TLK1: variants seen among roughly 807,000 people sequenced by gnomAD.
The protein encoded by TLK1 is serine/threonine-protein kinase tousled-like 1.
A neutral mutation model predicts 105.3 loss-of-function variants in TLK1; 24 were observed. That is an observed-to-expected ratio of 0.23 (90% CI 0.17 to 0.32). The LOEUF (loss-of-function observed/expected upper bound fraction) is 0.32, where lower values mean the gene tolerates loss of function less well. Ranked by LOEUF, TLK1 falls within the 10% of genes least tolerant of loss-of-function variation. The pLI is 1.00. For missense variants in TLK1, 558 were observed against 910.5 expected (o/e 0.61, Z 4.98); for synonymous variants, 321 against 310.4 (o/e 1.03, Z -0.36).
At chr2:171,141,684 T>C (rs1691580822) in intron 1 of TLK1, among the ~76,000 whole-genome samples, 2 of 151,082 alleles carry the variant, frequency 1.3e-5, no homozygotes, top group African/African-American at 2.4e-5. Context: ...ACATGACAAA[T>C]GAAAAAAACT....
chr2:171,132,698 G>GT (rs1048376334), intron 1 of TLK1, among the ~76,000 whole-genome samples: 54 of 152,238 alleles, frequency 3.5e-4, no homozygotes, highest in African/African-American at 1.3e-3. Flanking sequence ...GGGCCACATA[G>GT]TAAGACCTCA....
chr2:171,107,556 C>A (rs544860505), intron 2 of TLK1, among the ~76,000 whole-genome samples: 15 of 152,136 alleles, frequency 9.9e-5, no homozygotes, highest in Non-Finnish European at 2.2e-4. Flanking sequence ...TTCCTAAGCA[C>A]CATTCTTCAT....
intron 2 of TLK1, among the ~76,000 whole-genome samples, chr2:171,116,767 A>T (rs1396515507): frequency 6.6e-6 from 1 of 152,168 alleles, no homozygotes; most frequent in African/African-American, 2.4e-5. Context: ...GATATTTTAT[A>T]CTTAAATGAG....
At chr2:171,136,189 C>T (rs1351705205) in intron 1 of TLK1, among the ~76,000 whole-genome samples, 1 of 152,118 alleles carries the variant, frequency 6.6e-6, no homozygotes, top group African/African-American at 2.4e-5. Flanking sequence ...ACCTTGAAGA[C>T]GTTATGTTGA....
intron 13 of TLK1, among the ~76,000 whole-genome samples, chr2:171,012,096 G>A (rs1032951518): frequency 3.3e-5 from 5 of 151,406 alleles, no homozygotes; most frequent in African/African-American, 9.7e-5. Context: ...GAATATTGCC[G>A]ACTGAGCATC....
intron 2 of TLK1, among the ~76,000 whole-genome samples, chr2:171,101,830 T>TA (rs1258717122): frequency 1.3e-4 from 20 of 152,234 alleles, no homozygotes; most frequent in South Asian, 8.3e-4. Context: ...GACATTGTTT[T>TA]AAAAAATATA....
intron 1 of TLK1, among the ~76,000 whole-genome samples, chr2:171,198,794 G>A (rs1247063370): frequency 1.3e-5 from 2 of 152,148 alleles, no homozygotes; most frequent in Non-Finnish European, 2.9e-5. Context: ...GCAAATGTTT[G>A]CTTGTTTTAG....
At chr2:171,011,008 C>CT (rs1221716136) in intron 14 of TLK1, among the ~76,000 whole-genome samples, 1 of 152,072 alleles carries the variant, frequency 6.6e-6, no homozygotes, top group Non-Finnish European at 1.5e-5. Flanking sequence ...ACAAGTACTT[C>CT]TTTTTTTTGT....
chr2:171,038,102 T>C (rs1413122764), intron 11 of TLK1, among the ~76,000 whole-genome samples: 1 of 152,190 alleles, frequency 6.6e-6, no homozygotes, highest in Non-Finnish European at 1.5e-5. Flanking sequence ...TTTCTTTAAA[T>C]TTGTCAATTT....
At chr2:171,081,703 T>C in intron 3 of TLK1, 1 of 1,304,284 alleles carries the variant, frequency 7.7e-7, no homozygotes, top group Non-Finnish European at 1.0e-6. Flanking sequence ...TGCCTGCCAG[T>C]TGTTTCTGTG....
chr2:171,210,876 G>A (rs1379609268), intron 1 of TLK1, among the ~76,000 whole-genome samples: 5 of 152,218 alleles, frequency 3.3e-5, no homozygotes. Flanking sequence ...ACTGTTACCA[G>A]GAGGGAGAAG....
In TLK1 at chr2:171,166,187, C is replaced by T. The variant is rs574813930; in HGVS notation, c.-5-48330G>A. Among the ~76,000 whole-genome samples the T allele has an allele frequency of 3.1e-4, 47 of 152,374 alleles. 1 individual carries two copies. Among genetic ancestry groups the T allele is most frequent in the Admixed American group, 2.5e-3 (38 of 15,306 alleles). ...TTCACCAGCACACCACTGCTCCCAT[C>T]GTACATTTGTCATTGCTGTACTGTT... is the stretch of plus-strand genomic sequence containing the variant. On this transcript the variant is annotated intron_variant, in intron 1 of 20. Transcript: ENST00000521943.
chr2:171,067,043 C>T (rs1397182260), intron 3 of TLK1: 2 of 1,421,650 alleles, frequency 1.4e-6, no homozygotes, highest in Non-Finnish European at 1.9e-6. Flanking sequence ...TAACATACTC[C>T]TGTATCATAC....
At chr2:171,168,369 A>AAAAAAAATAAAAAAAT (rs1413350827) in intron 1 of TLK1, among the ~76,000 whole-genome samples, 1 of 151,636 alleles carries the variant, frequency 6.6e-6, no homozygotes, top group African/African-American at 2.4e-5. Flanking sequence ...CTCCTCTTCC[A>AAAAAAAATAAAAAAAT]AAAAAAATAA....
chr2:171,024,198 T>C (rs1330157258), intron 12 of TLK1, among the ~76,000 whole-genome samples: 1 of 152,156 alleles, frequency 6.6e-6, no homozygotes, highest in Non-Finnish European at 1.5e-5. Flanking sequence ...TCTCCATACA[T>C]TTTACTATAT....
At chr2:171,096,248 C>A (rs1303294439) in intron 2 of TLK1, among the ~76,000 whole-genome samples, 1 of 152,060 alleles carries the variant, frequency 6.6e-6, no homozygotes, top group Non-Finnish European at 1.5e-5. Flanking sequence ...GCCTGTAATT[C>A]CAGCATTTTG....
intron 12 of TLK1, 116 bp downstream of exon 12, chr2:171,028,223 T>C (rs879028968): frequency 2.8e-6 from 2 of 715,034 alleles, no homozygotes; most frequent in Non-Finnish European, 4.9e-6. Flanking sequence ...CTGAAATTTT[T>C]AATTTGAAAT....
At chr2:171,228,858 G>A (rs1693943785) in intron 1 of TLK1, among the ~76,000 whole-genome samples, 1 of 152,162 alleles carries the variant, frequency 6.6e-6, no homozygotes. Context: ...AAAAAATTCT[G>A]TGTTGCATGT....
At chr2:170,997,252 A>G (rs995208227) in intron 19 of TLK1, among the ~76,000 whole-genome samples, 1 of 152,136 alleles carries the variant, frequency 6.6e-6, no homozygotes, top group Admixed American at 6.5e-5. Context: ...GGGCTAGTTA[A>G]TATTTATGGT....
Sources: gnomAD v4.1 joint callset for allele counts (sites outside exome capture counted in the v4.1 genomes callset) on GRCh38, gnomAD v4.1.1 for gene constraint, MANE v1.5 for transcripts, NCBI Gene and HGNC (gene_info 2026-07-23, HGNC 2026-07-21) for gene names.